The following ORC4 variants were observed in gnomAD, a reference collection of about 807,000 sequenced individuals.
ORC4 encodes the protein origin recognition complex subunit 4.
ORC4 carries 55 observed loss-of-function variants against 63.9 expected under a neutral mutation model. The ratio of observed to expected loss-of-function variants is 0.86; its 90% CI spans 0.69 to 1.08. ORC4 has a LOEUF of 1.08. Ranked by LOEUF, ORC4 falls within the 50% of genes least tolerant of loss-of-function variation. The pLI is 0.00. For synonymous variants in ORC4, 150 were observed against 168.5 expected (o/e 0.89, Z 0.85); for missense variants, 511 against 504.4 (o/e 1.01, Z -0.13).
At chr2:147,982,665 T>A (rs1450930247) in intron 1 of ORC4, among the ~76,000 whole-genome samples, 1 of 152,204 alleles carries the variant, frequency 6.6e-6, no homozygotes, top group African/African-American at 2.4e-5. Flanking sequence ...GGTATCTACC[T>A]TATAACCTAC....
intron 7 of ORC4, among the ~76,000 whole-genome samples, chr2:147,953,936 A>G (rs542221782): frequency 2.8e-4 from 42 of 152,144 alleles, no homozygotes; most frequent in Non-Finnish European, 6.2e-4. Flanking sequence ...CTAATATAGA[A>G]TTTTAGTATT....
At position 147,943,483 on chromosome 2, in the gene ORC4, T is replaced by A. The variant is rs779040889; in HGVS notation, c.802A>T (p.Lys268Ter). ...AGGTTTTTGCTGATATTGAAATGCT[T>A]CTGTAGTACTTCTTGCACACTTCTA... ...EDRSVQEVLQ[K>*]HFNISKNLRS... The change falls in exon 10 of 14, where the codon AAG (lysine) becomes TAG (stop). Residue 268 changes from lysine (K) to a stop codon, truncating the protein, a stop_gained. Coordinates refer to ENST00000392857, the MANE Select transcript of ORC4 (RefSeq NM_181741.4). LOFTEE classifies it high-confidence loss of function. 6.2e-7 allele frequency: 1 copy of A among 1,607,398 alleles called. No homozygotes were observed. The highest frequency in any genetic ancestry group is 8.5e-7 in the Non-Finnish European group (1 of 1,174,654).
chr2:147,948,668 G>A (rs755175211), intron 8 of ORC4, among the ~76,000 whole-genome samples: 1 of 149,658 alleles, frequency 6.7e-6, no homozygotes, highest in Non-Finnish European at 1.5e-5. Context: ...GTTATCTTCC[G>A]GCTTTTTTTT....
At chr2:148,004,036 G>C (rs1337213245) in intron 1 of ORC4, among the ~76,000 whole-genome samples, 1 of 152,026 alleles carries the variant, frequency 6.6e-6, no homozygotes, top group Non-Finnish European at 1.5e-5. Flanking sequence ...AAAATACATA[G>C]GAATACAACT....
At chr2:147,952,160 T>C (rs973828016) in intron 8 of ORC4, among the ~76,000 whole-genome samples, 1 of 152,236 alleles carries the variant, frequency 6.6e-6, no homozygotes, top group Non-Finnish European at 1.5e-5. Context: ...TTCAGTAATT[T>C]CACTGGGAGG....
chr2:148,002,930 T>C (rs1692405244), intron 1 of ORC4, among the ~76,000 whole-genome samples: 1 of 152,068 alleles, frequency 6.6e-6, no homozygotes, highest in African/African-American at 2.4e-5. Flanking sequence ...AAAGGGGATA[T>C]CACCACTGAT....
intron 4 of ORC4, chr2:147,960,408 G>A (rs1689520980): frequency 1.1e-6 from 1 of 900,858 alleles, no homozygotes; most frequent in African/African-American, 1.8e-5. Context: ...ATTTAAGTTA[G>A]CTTTTTTCTT....
chr2:147,969,188 TAGG>T (rs1205870628), intron 4 of ORC4, among the ~76,000 whole-genome samples: 25 of 151,844 alleles, frequency 1.6e-4, no homozygotes, highest in Admixed American at 1.2e-3. Flanking sequence ...TACAGCAAGA[TAGG>T]AGGAGTAAGT....
chr2:148,005,656 CAAAAAAAAAA>C (rs55869341), intron 1 of ORC4, among the ~76,000 whole-genome samples: 9 of 51,490 alleles, frequency 1.7e-4, no homozygotes, highest in African/African-American at 4.7e-4. Context: ...ACTATCCATG[CAAAAAAAAAA>C]AAAAAAAAAA....
intron 1 of ORC4, among the ~76,000 whole-genome samples, chr2:148,016,079 T>C (rs1419162796): frequency 1.3e-5 from 2 of 152,080 alleles, no homozygotes; most frequent in Non-Finnish European, 2.9e-5. Context: ...ATTGAAAAGG[T>C]GAAAAAGCTC....
upstream of ORC4, chr2:148,021,340 G>T (rs1369665907): frequency 1.6e-5 from 6 of 381,882 alleles, no homozygotes; most frequent in South Asian, 8.4e-5. Flanking sequence ...CCCCATCCAC[G>T]ACTCCTACCC....
intron 1 of ORC4, among the ~76,000 whole-genome samples, chr2:147,992,657 T>C (rs1691692438): frequency 6.6e-6 from 1 of 152,226 alleles, no homozygotes; most frequent in South Asian, 2.1e-4. Flanking sequence ...ATTTTTCCTT[T>C]GCCACGTTTA....
chr2:147,963,641 T>C (rs774917846), intron 4 of ORC4, among the ~76,000 whole-genome samples: 66 of 152,070 alleles, frequency 4.3e-4, no homozygotes, highest in Non-Finnish European at 8.5e-4. Context: ...CAAGACTGGC[T>C]AAGCAACCAC....
intron 1 of ORC4, among the ~76,000 whole-genome samples, chr2:148,008,580 T>TCTGCTCCACCCAACATTCCAATCAC (rs1282188723): frequency 2.0e-5 from 3 of 152,288 alleles, no homozygotes; most frequent in East Asian, 1.9e-4. Flanking sequence ...ATTCTGATCA[T>TCTGCTCCACCCAACATTCCAATCAC]CTGCTCCACC....
At chr2:147,977,713 G>A (rs1253106921) in intron 1 of ORC4, among the ~76,000 whole-genome samples, 5 of 152,158 alleles carry the variant, frequency 3.3e-5, no homozygotes, top group African/African-American at 7.2e-5. Context: ...GTCCCTTGGC[G>A]GACTGGACTT....
At chr2:147,957,512 T>C (rs1689330429) in intron 6 of ORC4, among the ~76,000 whole-genome samples, 1 of 151,936 alleles carries the variant, frequency 6.6e-6, no homozygotes, top group African/African-American at 2.4e-5. Flanking sequence ...CAAAATTAAA[T>C]TATCATGTTT....
chr2:148,016,315 C>T (rs1445100033), intron 1 of ORC4, among the ~76,000 whole-genome samples: 4 of 152,186 alleles, frequency 2.6e-5, no homozygotes, highest in Admixed American at 2.0e-4. Flanking sequence ...GCCATGGTAA[C>T]TGTTTGCTGG....
intron 13 of ORC4, chr2:147,936,568 TAGAG>T (rs746762335): frequency 5.3e-5 from 8 of 152,274 alleles, no homozygotes; most frequent in South Asian, 2.1e-4. Flanking sequence ...ATTCTTCTGA[TAGAG>T]AAACAGCTCA....
intron 4 of ORC4, among the ~76,000 whole-genome samples, chr2:147,961,543 G>A (rs944927875): frequency 6.6e-6 from 1 of 151,866 alleles, no homozygotes; most frequent in Admixed American, 6.6e-5. Context: ...TTTCTCTCAG[G>A]ATACTCCCAC....
Sources: allele counts gnomAD v4.1 joint callset (sites outside exome capture counted in the v4.1 genomes callset), GRCh38; gene constraint gnomAD v4.1.1; transcripts MANE v1.5; gene names NCBI Gene and HGNC (gene_info 2026-07-23, HGNC 2026-07-21).